Variants in ACTR3C observed in about 807,000 individuals in gnomAD.
ACTR3C encodes the protein actin related protein 3C.
Under a neutral mutation model 26.3 loss-of-function variants are expected in ACTR3C, and 18 were observed. That is an observed-to-expected ratio of 0.68 (90% CI 0.47 to 1.01). ACTR3C has a LOEUF of 1.01. Among genes scored for constraint, ACTR3C ranks in the 50% least tolerant of loss-of-function variants. The probability of loss-of-function intolerance (pLI) is 0.00; values close to 1 mark genes in which losing one functional copy is unlikely to be tolerated. For missense variants in ACTR3C, 184 were observed against 250.7 expected (o/e 0.73, Z 1.80); for synonymous variants, 55 against 94.5 (o/e 0.58, Z 2.42).
chr7:150,209,232 C>T, the ACTR3C span, among the ~76,000 whole-genome samples: 1 of 142,468 alleles, frequency 7.0e-6, no homozygotes, highest in Non-Finnish European at 1.5e-5. Context: ...GAGAGAGATA[C>T]AGAAACAGAG....
the ACTR3C span, among the ~76,000 whole-genome samples, chr7:150,198,802 G>T: frequency 7.9e-6 from 1 of 127,298 alleles, no homozygotes; most frequent in African/African-American, 3.8e-5. Flanking sequence ...CGGGAGGGAG[G>T]TGGGGGGGTC....
the ACTR3C span, among the ~76,000 whole-genome samples, chr7:150,078,168 T>C: frequency 6.6e-6 from 1 of 152,176 alleles, no homozygotes; most frequent in African/African-American, 2.4e-5. Flanking sequence ...TGGCCTCTAC[T>C]TTCCCATGAT....
chr7:150,197,799 T>C, the ACTR3C span, among the ~76,000 whole-genome samples: 160 of 152,088 alleles, frequency 1.1e-3, 1 homozygote, highest in Admixed American at 9.2e-3. Context: ...CCAATTATGC[T>C]AGAATATTGA....
the ACTR3C span, among the ~76,000 whole-genome samples, chr7:150,034,778 G>A: frequency 2.6e-5 from 4 of 151,412 alleles, no homozygotes; most frequent in African/African-American, 4.8e-5. Flanking sequence ...CTAAGCCAGG[G>A]GGGGAAGAGG....
At chr7:150,088,613 C>T in the ACTR3C span, among the ~76,000 whole-genome samples, 1 of 152,068 alleles carries the variant, frequency 6.6e-6, no homozygotes, top group Non-Finnish European at 1.5e-5. Context: ...CCTACTTTGC[C>T]TTTTTGTTAT....
At chr7:149,912,723 G>A in the ACTR3C span, among the ~76,000 whole-genome samples, 9 of 151,992 alleles carry the variant, frequency 5.9e-5, no homozygotes, top group South Asian at 4.1e-4. Flanking sequence ...GGCTGGTCTC[G>A]AACTCCTGAC....
chr7:149,939,678 G>A, the ACTR3C span, among the ~76,000 whole-genome samples: 1 of 150,212 alleles, frequency 6.7e-6, no homozygotes, highest in African/African-American at 2.4e-5. Context: ...ATACCTCACT[G>A]GGTTATCACT....
At chr7:150,309,869 C>T (rs550735155) in intron 1 of ACTR3C, among the ~76,000 whole-genome samples, 52 of 152,272 alleles carry the variant, frequency 3.4e-4, no homozygotes, top group South Asian at 1.7e-3. Flanking sequence ...CCATCATGGA[C>T]GCCGAGCTTC....
the ACTR3C span, among the ~76,000 whole-genome samples, chr7:149,995,479 T>C: frequency 5.9e-5 from 9 of 152,374 alleles, no homozygotes; most frequent in African/African-American, 1.9e-4. Flanking sequence ...AGGCTCTAGC[T>C]GGATACTCGC....
At chr7:150,316,770 C>CACCACGCCTCCT (rs1178658528) in intron 1 of ACTR3C, among the ~76,000 whole-genome samples, 1 of 152,188 alleles carries the variant, frequency 6.6e-6, no homozygotes, top group Admixed American at 6.5e-5. Context: ...AGGCATGAGC[C>CACCACGCCTCCT]ACCACGCCTG....
At chr7:150,162,655 C>G in the ACTR3C span, among the ~76,000 whole-genome samples, 1 of 152,130 alleles carries the variant, frequency 6.6e-6, no homozygotes, top group Non-Finnish European at 1.5e-5. Context: ...ACTTTTGCAC[C>G]ATCCTAATAT....
chr7:150,084,062 G>A, the ACTR3C span, among the ~76,000 whole-genome samples: 2 of 152,074 alleles, frequency 1.3e-5, no homozygotes, highest in Admixed American at 6.5e-5. Context: ...TGTAGACTTG[G>A]GGTCTTGCTA....
the ACTR3C span, among the ~76,000 whole-genome samples, chr7:150,023,684 T>C: frequency 2.0e-5 from 3 of 150,090 alleles, no homozygotes; most frequent in African/African-American, 7.4e-5. Context: ...AAAGGTTTTA[T>C]TCTGGATCTT....
chr7:150,118,117 T>C, the ACTR3C span, among the ~76,000 whole-genome samples: 8 of 151,986 alleles, frequency 5.3e-5, no homozygotes, highest in Non-Finnish European at 1.0e-4. Flanking sequence ...GAGAAATCCA[T>C]GAAGAGGAGG....
chr7:150,009,946 C>T, the ACTR3C span, among the ~76,000 whole-genome samples: 1 of 152,354 alleles, frequency 6.6e-6, no homozygotes, highest in African/African-American at 2.4e-5. Context: ...CTTTGAAAAG[C>T]ACAGTTCAGC....
At chr7:149,985,724 G>A in the ACTR3C span, among the ~76,000 whole-genome samples, 10 of 152,140 alleles carry the variant, frequency 6.6e-5, no homozygotes, top group Non-Finnish European at 1.2e-4. Context: ...AACTGAATGT[G>A]TCTGTCCTTT....
chr7:150,220,412 CCTT>C, the ACTR3C span, among the ~76,000 whole-genome samples: 1 of 145,948 alleles, frequency 6.9e-6, no homozygotes, highest in Non-Finnish European at 1.5e-5. Flanking sequence ...GGTGGGTCCT[CCTT>C]CTGCAGCCGA....
the ACTR3C span, among the ~76,000 whole-genome samples, chr7:149,936,646 T>C: frequency 1.3e-5 from 2 of 152,250 alleles, no homozygotes; most frequent in African/African-American, 4.8e-5. Flanking sequence ...TTATACATGA[T>C]ACTTGACTAT....
the ACTR3C span, among the ~76,000 whole-genome samples, chr7:150,193,114 T>C: frequency 2.6e-5 from 4 of 152,184 alleles, no homozygotes; most frequent in Non-Finnish European, 4.4e-5. Context: ...TCAATCCTCA[T>C]ATGTGGCTTC....
Sources: gnomAD v4.1 joint callset for allele counts (sites outside exome capture counted in the v4.1 genomes callset) on GRCh38, gnomAD v4.1.1 for gene constraint, MANE v1.5 for transcripts, NCBI Gene and HGNC (gene_info 2026-07-23, HGNC 2026-07-21) for gene names.